Variants in TTC7B observed in about 807,000 individuals in gnomAD.
TTC7B encodes the protein tetratricopeptide repeat domain 7B, also known as tetratricopeptide repeat protein 7B.
TTC7B carries 28 observed loss-of-function variants against 106.8 expected under a neutral mutation model. The ratio of observed to expected loss-of-function variants is 0.26; its 90% CI spans 0.19 to 0.36. TTC7B has a LOEUF of 0.36. Among genes scored for constraint, TTC7B ranks in the 10% least tolerant of loss-of-function variants. The pLI is 1.00. For synonymous variants in TTC7B, 405 were observed against 430.6 expected, an observed-to-expected ratio of 0.94 and a Z score of 0.74; for missense variants, 862 against 1,076.4, an observed-to-expected ratio of 0.80 and a Z score of 2.79.
rs889555692 is a variant in TTC7B, at chr14:90,531,975, A to G, written c.*9393T>C. 6.6e-6 allele frequency: 1 copy of G among 152,250 alleles called. No individual in the cohort carries two copies. The highest frequency in any genetic ancestry group is 2.4e-5 in the African/African-American group (1 of 41,430). 9.4% of individuals were successfully genotyped at this position (152,250 alleles called of 1,614,324 possible). ...GGGGACCAGATCACTTGAGACCAGG[A>G]GTTGGAGATCAGCCTAGGCAACATG... On this transcript the variant is annotated 3_prime_UTR_variant, in exon 20 of 20. Transcript: ENST00000328459.
At chr14:90,585,243 G>A (rs953952674) in intron 18 of TTC7B, among the ~76,000 whole-genome samples, 2 of 152,190 alleles carry the variant, frequency 1.3e-5, no homozygotes, top group African/African-American at 2.4e-5. Context: ...TCAGTTTGTC[G>A]AGAGGGATCC....
chr14:90,810,343 G>A (rs2140065188), intron 1 of TTC7B, among the ~76,000 whole-genome samples: 1 of 152,314 alleles, frequency 6.6e-6, no homozygotes, highest in Admixed American at 6.5e-5. Context: ...TGGATGTTGT[G>A]TCACCAAAGG....
chr14:90,812,911 G>A (rs1035340827), intron 1 of TTC7B, among the ~76,000 whole-genome samples: 7 of 151,250 alleles, frequency 4.6e-5, no homozygotes, highest in Non-Finnish European at 1.0e-4. Context: ...AGTCCTTAAC[G>A]GGGAGGGGCT....
rs989759411 is a variant in TTC7B, at chr14:90,577,523, G to A, written c.2310+583C>T. 1.3e-5 allele frequency among the ~76,000 whole-genome samples: 2 copies of A among 152,298 alleles called. No individual in the cohort carries two copies. Among genetic ancestry groups the A allele is most frequent in the East Asian group, 1.9e-4 (1 of 5,176 alleles). ...GACGAAGGATGTGCACTCGTTGAGC[G>A]CCGCCACACCCCTGTGCAGTGTGGA... On this transcript the variant is annotated intron_variant, in intron 19 of 19. Coordinates refer to ENST00000328459, the MANE Select transcript of TTC7B (RefSeq NM_001010854.2). The surrounding 1 kb of genome is among the most constrained non-coding windows in gnomAD (Gnocchi z 5.0).
chr14:90,769,008 G>A (rs1212454062), intron 3 of TTC7B, among the ~76,000 whole-genome samples: 1 of 152,120 alleles, frequency 6.6e-6, no homozygotes, highest in Non-Finnish European at 1.5e-5. Context: ...TATACAATGG[G>A]TAAAGATATA....
chr14:90,675,559 T>G (rs1051146917), intron 9 of TTC7B, among the ~76,000 whole-genome samples: 1 of 152,154 alleles, frequency 6.6e-6, no homozygotes, highest in Admixed American at 6.5e-5. Flanking sequence ...ACCACTGCCC[T>G]GTAGAGTCAC....
chr14:90,800,647 T>C (rs2030202183), intron 1 of TTC7B, among the ~76,000 whole-genome samples: 1 of 151,762 alleles, frequency 6.6e-6, no homozygotes, highest in Admixed American at 6.6e-5. Context: ...CTGTCTCTAC[T>C]AAAAATACAA....
intron 1 of TTC7B, among the ~76,000 whole-genome samples, chr14:90,801,996 G>T (rs542858422): frequency 6.6e-6 from 1 of 152,120 alleles, no homozygotes; most frequent in South Asian, 2.1e-4. Flanking sequence ...TGGAGGTGGA[G>T]GTTGCAGTGA....
chr14:90,706,691 T>C (rs1242464918), intron 5 of TTC7B, among the ~76,000 whole-genome samples: 1 of 152,232 alleles, frequency 6.6e-6, no homozygotes, highest in Non-Finnish European at 1.5e-5. Flanking sequence ...TAGGAATCTT[T>C]GATAGCTTCT....
At chr14:90,576,619 A>G (rs1891270575) in intron 19 of TTC7B, among the ~76,000 whole-genome samples, 1 of 152,174 alleles carries the variant, frequency 6.6e-6, no homozygotes, top group Admixed American at 6.5e-5. Flanking sequence ...CAATTCACCT[A>G]AACACAACAA....
chr14:90,687,763 C>T (rs1887302639), intron 7 of TTC7B, among the ~76,000 whole-genome samples: 1 of 152,132 alleles, frequency 6.6e-6, no homozygotes, highest in Non-Finnish European at 1.5e-5. Context: ...TAAGCAAACT[C>T]ATGGTTCAAC....
At chr14:90,788,570 TA>T (rs34056961) in intron 1 of TTC7B, among the ~76,000 whole-genome samples, 51,375 of 149,830 alleles carry the variant, frequency 0.34, 9,201 homozygotes, top group East Asian at 0.54. Context: ...CATGTGCTCT[TA>T]AAAAAAAAAA....
At chr14:90,605,527 T>C (rs1266652304) in intron 17 of TTC7B, 1 of 1,131,022 alleles carries the variant, frequency 8.8e-7, no homozygotes, top group Non-Finnish European at 1.1e-6. Context: ...GCTTATCAGT[T>C]AGGAAGATTA....
Position 90,730,121 on chromosome 14 carries a change from G to T in TTC7B, c.652C>A (p.Leu218Ile). The change falls in exon 5 of 20, where the codon CTA becomes ATA. Residue 218 changes from leucine (L) to isoleucine (I), a missense_variant. Transcript: ENST00000328459. ...TGGGCTCTCTGAAGTCCTGTTTCTA[G>T]GAAAAAACCTAGTTCTTGATCGTGG... The part of the protein sequence containing the change: ...APHDQELGFF[L>I]ETGLQRAHVL... 6.2e-7 allele frequency: 1 copy of T among 1,613,724 alleles called. No individual in the cohort carries two copies. Among genetic ancestry groups the T allele is most frequent in the South Asian group, 1.1e-5 (1 of 91,026 alleles).
At chr14:90,739,375 G>A (rs988940070) in intron 4 of TTC7B, among the ~76,000 whole-genome samples, 1 of 152,222 alleles carries the variant, frequency 6.6e-6, no homozygotes, top group Non-Finnish European at 1.5e-5. Context: ...GCCCTCTGGA[G>A]CCACAGCCCC....
At chr14:90,547,386 G>A (rs1310722441) in intron 19 of TTC7B, among the ~76,000 whole-genome samples, 2 of 152,260 alleles carry the variant, frequency 1.3e-5, no homozygotes, top group Non-Finnish European at 1.5e-5. Flanking sequence ...AAGGGCGCCT[G>A]TGCCAGAGCC....
chr14:90,694,712 T>A (rs923120598), intron 6 of TTC7B, among the ~76,000 whole-genome samples: 9 of 141,336 alleles, frequency 6.4e-5, no homozygotes, highest in African/African-American at 2.3e-4. Flanking sequence ...TTTATTTTAT[T>A]ATAAAATAGG....
chr14:90,646,498 T>C (rs1490663465), intron 14 of TTC7B, among the ~76,000 whole-genome samples: 1 of 152,236 alleles, frequency 6.6e-6, no homozygotes, highest in Non-Finnish European at 1.5e-5. Flanking sequence ...GACCTGGTTC[T>C]TTTGTCTCTG....
intron 5 of TTC7B, chr14:90,699,404 T>C (rs1394561034): frequency 2.8e-6 from 1 of 353,846 alleles, no homozygotes. Flanking sequence ...TTTTATTTCT[T>C]GGGAGTAGGG....
Sources: gnomAD v4.1 joint callset for allele counts (sites outside exome capture counted in the v4.1 genomes callset) on GRCh38, gnomAD v4.1.1 for gene constraint, Gnocchi (gnomAD v3.1) non-coding constraint, MANE v1.5 for transcripts, NCBI Gene and HGNC (gene_info 2026-07-23, HGNC 2026-07-21) for gene names.